Variants in SCFD2 observed in about 807,000 individuals in gnomAD.
The protein encoded by SCFD2 is sec1 family domain-containing protein 2.
In SCFD2, 54 loss-of-function variants were observed where a neutral mutation model predicts 58.9. The ratio of observed to expected loss-of-function variants is 0.92; its 90% CI spans 0.74 to 1.15. The LOEUF (loss-of-function observed/expected upper bound fraction) is 1.15, where lower values mean the gene tolerates loss of function less well. Ranked by LOEUF, SCFD2 falls within the 50% of genes most tolerant of loss-of-function variation. The probability of loss-of-function intolerance (pLI) is 0.00; values close to 1 mark genes in which losing one functional copy is unlikely to be tolerated. For synonymous variants in SCFD2, 321 were observed against 335.9 expected (o/e 0.96, Z 0.49); for missense variants, 805 against 836.6 (o/e 0.96, Z 0.47).
At position 53,361,266 on chromosome 4, in the gene SCFD2, GCTAA is replaced by G. The variant is rs1259608804; in HGVS notation, c.838+3834_838+3837del. 1.2e-4 allele frequency among the ~76,000 whole-genome samples: 18 copies of G among 152,192 alleles called. 1 individual carries two copies. The highest frequency in any genetic ancestry group is 5.9e-4 in the Admixed American group (9 of 15,272). On this transcript the variant is annotated intron_variant, in intron 1 of 8. Transcript: ENST00000401642. ...ATGTGACACAATACCATCACATCTGGCTAACTAACTCTTATGCTTTTTTTAGTAA... is the reference window on the plus strand; with the variant it reads ...ATGTGACACAATACCATCACATCTGGCTAACTCTTATGCTTTTTTTAGTAA...
intron 5 of SCFD2, among the ~76,000 whole-genome samples, chr4:52,981,580 A>G (rs1721375857): frequency 6.6e-6 from 1 of 152,124 alleles, no homozygotes; most frequent in Admixed American, 6.6e-5. Flanking sequence ...CAGGAAGGTC[A>G]TTGCTAGAAA....
chr4:53,074,835 C>T (rs1337929211), intron 5 of SCFD2, among the ~76,000 whole-genome samples: 1 of 152,088 alleles, frequency 6.6e-6, no homozygotes, highest in East Asian at 1.9e-4. Context: ...AGAACACAGG[C>T]AGAAAAGATT....
At chr4:53,039,530 C>A (rs531640461) in intron 5 of SCFD2, among the ~76,000 whole-genome samples, 1 of 152,188 alleles carries the variant, frequency 6.6e-6, no homozygotes, top group South Asian at 2.1e-4. Flanking sequence ...TTCTATTGGG[C>A]CAATCTTCTC....
intron 2 of SCFD2, among the ~76,000 whole-genome samples, chr4:53,339,619 A>C (rs1291651466): frequency 6.6e-6 from 1 of 152,104 alleles, no homozygotes; most frequent in African/African-American, 2.4e-5. Context: ...AAAACATAAA[A>C]GTTAGCCAGG....
chr4:53,007,040 G>A (rs1721984060), intron 5 of SCFD2, among the ~76,000 whole-genome samples: 1 of 151,954 alleles, frequency 6.6e-6, no homozygotes, highest in African/African-American at 2.4e-5. Flanking sequence ...TAGCACTTTG[G>A]GAGGCCGAAG....
chr4:53,286,309 G>A (rs757789524), intron 3 of SCFD2, among the ~76,000 whole-genome samples: 3 of 152,002 alleles, frequency 2.0e-5, no homozygotes, highest in African/African-American at 4.8e-5. Flanking sequence ...CTAGTGGAGC[G>A]GCCATGCACC....
intron 4 of SCFD2, among the ~76,000 whole-genome samples, chr4:53,163,436 A>G (rs1328248562): frequency 6.6e-6 from 1 of 152,128 alleles, no homozygotes; most frequent in Non-Finnish European, 1.5e-5. Flanking sequence ...TAAAAAGAGG[A>G]GAAGAGGCCA....
intron 5 of SCFD2, among the ~76,000 whole-genome samples, chr4:52,924,951 A>G (rs1045001752): frequency 6.6e-6 from 1 of 152,190 alleles, no homozygotes; most frequent in African/African-American, 2.4e-5. Flanking sequence ...AAGCTGTTAA[A>G]TGGGGTGAAT....
chr4:53,305,581 G>T (rs1732487621), intron 3 of SCFD2, among the ~76,000 whole-genome samples: 1 of 152,002 alleles, frequency 6.6e-6, no homozygotes, highest in Non-Finnish European at 1.5e-5. Context: ...ACCTTATTTT[G>T]TTTTAGAAAA....
At chr4:53,362,623 A>G (rs1228098788) in intron 1 of SCFD2, among the ~76,000 whole-genome samples, 1 of 152,058 alleles carries the variant, frequency 6.6e-6, no homozygotes, top group Non-Finnish European at 1.5e-5. Flanking sequence ...AGAAAATTGG[A>G]GCAGATGTTT....
intron 1 of SCFD2, 109 bp from the exon 2 acceptor site, chr4:53,352,875 T>A (rs1199617301): frequency 2.1e-6 from 2 of 969,296 alleles, no homozygotes; most frequent in Admixed American, 2.4e-5. Context: ...ATTTTTAGTT[T>A]CTGTTCAACA....
chr4:53,080,193 A>G (rs1724099742), intron 5 of SCFD2, among the ~76,000 whole-genome samples: 1 of 152,256 alleles, frequency 6.6e-6, no homozygotes, highest in African/African-American at 2.4e-5. Flanking sequence ...TCTCACGTTT[A>G]GATTTTTACA....
At chr4:53,136,217 T>C (rs1309908606) in intron 5 of SCFD2, among the ~76,000 whole-genome samples, 1 of 152,176 alleles carries the variant, frequency 6.6e-6, no homozygotes, top group East Asian at 1.9e-4. Context: ...ACTGGTCTAG[T>C]AAAAGGAATT....
In SCFD2 at chr4:53,309,090, G is replaced by A. The variant is rs374781284; in HGVS notation, c.1135+4546C>T. On this transcript the variant is annotated intron_variant, in intron 3 of 8. Coordinates refer to ENST00000401642, the MANE Select transcript of SCFD2 (RefSeq NM_152540.4). ...GGAGGTTGCAGTGAGCCGAGATCAC[G>A]CCACTGCACTCCAGCCTGGGCGACA... Among the ~76,000 whole-genome samples, 14 of 151,556 alleles carry A rather than the reference G, an allele frequency of 9.2e-5. No homozygotes were observed. The South Asian group carries it at 2.3e-3, about 25-fold the overall frequency.
rs761051869 is a variant in SCFD2 at position 53,297,395 on chromosome 4, C to T, written c.1135+16241G>A. Among the ~76,000 whole-genome samples, 40 of 151,884 alleles carry T rather than the reference C, an allele frequency of 2.6e-4. 1 individual carries two copies. Among genetic ancestry groups the T allele is most frequent in the Non-Finnish European group, 5.7e-4 (39 of 67,984 alleles). ...GATCCCTCTACCATTATGTAATGCC[C>T]TTCTTCGTCTCTTTTGATCATTCTT... On this transcript the variant is annotated intron_variant, in intron 3 of 8. Transcript: ENST00000401642.
At chr4:53,245,260 G>T (rs754829074) in intron 4 of SCFD2, among the ~76,000 whole-genome samples, 1 of 151,822 alleles carries the variant, frequency 6.6e-6, no homozygotes, top group Non-Finnish European at 1.5e-5. Context: ...AGTCCATGAG[G>T]CCCGAATTAT....
intron 3 of SCFD2, among the ~76,000 whole-genome samples, chr4:53,299,166 G>A (rs1238339614): frequency 1.3e-5 from 2 of 152,126 alleles, no homozygotes; most frequent in Non-Finnish European, 1.5e-5. Flanking sequence ...GACGAAGTTC[G>A]AACCAATGGC....
At chr4:53,040,110 T>A (rs62338965) in intron 5 of SCFD2, among the ~76,000 whole-genome samples, 1 of 152,180 alleles carries the variant, frequency 6.6e-6, no homozygotes, top group South Asian at 2.1e-4. Flanking sequence ...ACAAATGCAG[T>A]GGGTGAGTAT....
chr4:52,987,926 G>C lies in SCFD2; in HGVS notation c.1562-67056C>G, dbSNP rs1021818123. Among the ~76,000 whole-genome samples, 8 of 152,194 alleles carry C rather than the reference G, an allele frequency of 5.3e-5. No individual in the cohort carries two copies. In the South Asian group the frequency reaches 1.7e-3, roughly 32 times the overall value. On this transcript the variant is annotated intron_variant, in intron 5 of 8. Coordinates refer to ENST00000401642, the MANE Select transcript of SCFD2 (RefSeq NM_152540.4). The stretch of plus-strand genomic sequence containing the variant: ...CTGCAAGTGAGACAGCACAAGCAAT[G>C]GGTGTCTCAGAAGATCCTACCAAAG...
Sources: allele counts gnomAD v4.1 joint callset (sites outside exome capture counted in the v4.1 genomes callset), GRCh38; gene constraint gnomAD v4.1.1; transcripts MANE v1.5; gene names NCBI Gene and HGNC (gene_info 2026-07-23, HGNC 2026-07-21).